The following CREB5 variants were observed in gnomAD, a reference collection of about 807,000 sequenced individuals.
The protein encoded by CREB5 is cAMP responsive element binding protein 5.
In CREB5, 19 loss-of-function variants were observed where a neutral mutation model predicts 57.1. That is an observed-to-expected ratio of 0.33 (90% CI 0.23 to 0.49). The LOEUF is 0.49. Ranked by LOEUF, CREB5 falls within the 20% of genes least tolerant of loss-of-function variation. CREB5 has a pLI of 0.99. For synonymous variants in CREB5, 238 were observed against 238.3 expected (o/e 1.00, Z 0.01); for missense variants, 579 against 671.6 (o/e 0.86, Z 1.52).
At chr7:28,680,667 G>T (rs946466999) in intron 5 of CREB5, among the ~76,000 whole-genome samples, 1 of 151,938 alleles carries the variant, frequency 6.6e-6, no homozygotes, top group Non-Finnish European at 1.5e-5. Flanking sequence ...GCCGAGGTGG[G>T]GGAATCATTT....
At chr7:28,757,489 G>A (rs1805390559) in intron 7 of CREB5, among the ~76,000 whole-genome samples, 2 of 152,036 alleles carry the variant, frequency 1.3e-5, no homozygotes, top group East Asian at 1.9e-4. Flanking sequence ...TGGCTAACGC[G>A]GTGAAACCCC....
intron 7 of CREB5, among the ~76,000 whole-genome samples, chr7:28,726,286 CCT>C (rs1803334325): frequency 6.6e-6 from 1 of 152,102 alleles, no homozygotes. Context: ...CACCTCTACC[CCT>C]GTTATTGCCA....
At chr7:28,407,248 A>G (rs1787601927) in intron 1 of CREB5, among the ~76,000 whole-genome samples, 1 of 152,060 alleles carries the variant, frequency 6.6e-6, no homozygotes. Context: ...CGGGCGTTTC[A>G]CCATGTTGGT....
chr7:28,472,844 C>G (rs901869034), intron 1 of CREB5, among the ~76,000 whole-genome samples: 2 of 152,144 alleles, frequency 1.3e-5, no homozygotes, highest in Non-Finnish European at 2.9e-5. Flanking sequence ...TGATTTGAGG[C>G]TTGCCTGCTT....
intron 6 of CREB5, 66 bp downstream of exon 6, chr7:28,718,945 G>A (rs1397270129): frequency 1.9e-6 from 3 of 1,604,652 alleles, no homozygotes; most frequent in Non-Finnish European, 2.6e-6. Context: ...TCTTGAAAGG[G>A]CAAAGGAAAC....
At position 28,706,058 on chromosome 7, in the gene CREB5, C is replaced by CA. The variant is rs201906768; in HGVS notation, c.465-12686dup. ...AATACAGGCAAAAGTGTGTTTGAGA[C>CA]AAAAAAAAATCTTCAGCCGGGTGCA... On this transcript the variant is annotated intron_variant, in intron 5 of 10. Transcript: ENST00000357727. Among the ~76,000 whole-genome samples, 1,163 of 151,498 alleles carry CA rather than the reference C, an allele frequency of 7.7e-3. 14 individuals carry two copies. Among genetic ancestry groups the CA allele is most frequent in the Non-Finnish European group, 9.0e-3 (609 of 67,836 alleles).
At chr7:28,600,503 T>C (rs1796874702) in intron 5 of CREB5, among the ~76,000 whole-genome samples, 1 of 152,140 alleles carries the variant, frequency 6.6e-6, no homozygotes, top group Non-Finnish European at 1.5e-5. Flanking sequence ...AATTTAATTA[T>C]GTGAAAACTG....
intron 1 of CREB5, among the ~76,000 whole-genome samples, chr7:28,303,369 T>G (rs546940530): frequency 2.6e-5 from 4 of 152,194 alleles, no homozygotes; most frequent in African/African-American, 9.6e-5. Context: ...AAGTAACATA[T>G]GATTACATTT....
intron 7 of CREB5, among the ~76,000 whole-genome samples, chr7:28,792,672 A>AT (rs1327482355): frequency 1.3e-5 from 2 of 152,152 alleles, no homozygotes; most frequent in African/African-American, 2.4e-5. Context: ...AAGATTCCGT[A>AT]TTTTTTATTC....
chr7:28,524,151 T>C (rs1311759395), intron 4 of CREB5, among the ~76,000 whole-genome samples: 1 of 152,206 alleles, frequency 6.6e-6, no homozygotes, highest in Non-Finnish European at 1.5e-5. Context: ...GTAAGATGTC[T>C]CTTAGACAGC....
chr7:28,715,292 C>G (rs1802623215), intron 5 of CREB5, among the ~76,000 whole-genome samples: 1 of 152,182 alleles, frequency 6.6e-6, no homozygotes, highest in Admixed American at 6.5e-5. Context: ...CCGTTCATGA[C>G]CCATGTGACC....
chr7:28,657,663 G>A (rs1313881975), intron 5 of CREB5, among the ~76,000 whole-genome samples: 2 of 148,542 alleles, frequency 1.3e-5, no homozygotes, highest in East Asian at 2.0e-4. Flanking sequence ...GTTGCAGTGA[G>A]CGGAGATCGT....
chr7:28,667,695 G>GTTTTC (rs1799879523), intron 5 of CREB5, among the ~76,000 whole-genome samples: 1 of 152,070 alleles, frequency 6.6e-6, no homozygotes, highest in Admixed American at 6.5e-5. Flanking sequence ...ATGTTTCTAA[G>GTTTTC]TTTGCAAATA....
chr7:28,718,474 G>A (rs1419927259), intron 5 of CREB5, among the ~76,000 whole-genome samples: 23 of 152,160 alleles, frequency 1.5e-4, no homozygotes, highest in Admixed American at 9.8e-4. Flanking sequence ...AGATGCGAGC[G>A]TTTAGGAGAC....
intron 5 of CREB5, among the ~76,000 whole-genome samples, chr7:28,691,835 CA>C (rs1801279894): frequency 6.6e-6 from 1 of 152,140 alleles, no homozygotes; most frequent in East Asian, 1.9e-4. Context: ...ATGTGCCTGA[CA>C]GAAAATAGGC....
chr7:28,390,322 A>C (rs1190920875), intron 1 of CREB5, among the ~76,000 whole-genome samples: 4 of 152,194 alleles, frequency 2.6e-5, no homozygotes, highest in Non-Finnish European at 5.9e-5. Flanking sequence ...CGTTCATAAA[A>C]AGGCACACAA....
intron 7 of CREB5, among the ~76,000 whole-genome samples, chr7:28,803,755 C>CAAAAA (rs562078960): frequency 5.0e-5 from 4 of 79,772 alleles, no homozygotes; most frequent in Admixed American, 1.4e-4. Flanking sequence ...GACTCCATCT[C>CAAAAA]AAAAAAAAAA....
At position 28,819,626 on chromosome 7, in the gene CREB5, C is replaced by A. The variant is rs1809647293; in HGVS notation, c.*347C>A. ...TGAAACATTGAATCTTGTTAAACCA[C>A]AGCTTTTAGCTAAAATGAGGTATAC... On this transcript the variant is annotated 3_prime_UTR_variant, in exon 11 of 11. Transcript: ENST00000357727. 1 of 179,432 alleles carries A rather than the reference C, an allele frequency of 5.6e-6. No homozygotes were observed. Among genetic ancestry groups the A allele is most frequent in the Admixed American group, 5.6e-5 (1 of 17,884 alleles). 11.1% of individuals were successfully genotyped at this position (179,432 alleles called of 1,614,324 possible). A position where few individuals can be genotyped will look rare whatever the true frequency, so the allele number is the denominator to read the frequency against.
At chr7:28,595,562 A>G (rs1325228378) in intron 5 of CREB5, among the ~76,000 whole-genome samples, 1 of 152,190 alleles carries the variant, frequency 6.6e-6, no homozygotes, top group Non-Finnish European at 1.5e-5. Context: ...TGATATAGCA[A>G]GTACCCCACT....
Sources: allele counts gnomAD v4.1 joint callset (sites outside exome capture counted in the v4.1 genomes callset), GRCh38; gene constraint gnomAD v4.1.1; transcripts MANE v1.5; gene names NCBI Gene and HGNC (gene_info 2026-07-23, HGNC 2026-07-21).